The following TSHZ2 variants were observed in gnomAD, a reference collection of about 807,000 sequenced individuals.
The protein encoded by TSHZ2 is teashirt zinc finger homeobox 2, also known as teashirt homolog 2.
Under a neutral mutation model 74.4 loss-of-function variants are expected in TSHZ2, and 21 were observed. The observed-to-expected ratio is 0.28, with a 90% confidence interval of 0.20 to 0.41. The LOEUF is 0.41. Ranked by LOEUF, TSHZ2 falls within the 10% of genes least tolerant of loss-of-function variation. The pLI is 1.00. For synonymous variants in TSHZ2, 540 were observed against 515.3 expected, an observed-to-expected ratio of 1.05 and a Z score of -0.65; for missense variants, 1,244 against 1,293.5, an observed-to-expected ratio of 0.96 and a Z score of 0.59.
intron 1 of TSHZ2, among the ~76,000 whole-genome samples, chr20:53,082,995 G>A (rs1490160100): frequency 2.0e-5 from 3 of 152,218 alleles, no homozygotes. Flanking sequence ...CTCAGAAAGA[G>A]TCCTCAGCAG....
At chr20:52,988,906 C>T (rs1395176843) in intron 1 of TSHZ2, among the ~76,000 whole-genome samples, 6 of 152,068 alleles carry the variant, frequency 3.9e-5, no homozygotes, top group Non-Finnish European at 8.8e-5. Flanking sequence ...CTCTTCCTGG[C>T]CATCAAAAAA....
At chr20:53,058,683 G>A (rs1984724092) in intron 1 of TSHZ2, among the ~76,000 whole-genome samples, 1 of 152,216 alleles carries the variant, frequency 6.6e-6, no homozygotes, top group African/African-American at 2.4e-5. Context: ...CAAGGTTTGT[G>A]GAACAAGGCT....
intron 2 of TSHZ2, among the ~76,000 whole-genome samples, chr20:53,368,434 G>T (rs929347372): frequency 2.6e-5 from 4 of 152,100 alleles, no homozygotes; most frequent in Non-Finnish European, 4.4e-5. Context: ...CTTCAGAGTA[G>T]CTGGGATTAC....
At chr20:53,197,613 C>G (rs567208102) in intron 1 of TSHZ2, among the ~76,000 whole-genome samples, 2 of 152,180 alleles carry the variant, frequency 1.3e-5, no homozygotes, top group Non-Finnish European at 2.9e-5. Flanking sequence ...TATTTCTCCC[C>G]CTTCGATACA....
intron 1 of TSHZ2, among the ~76,000 whole-genome samples, chr20:53,101,690 TCTTTGCTAATATA>T (rs1359165349): frequency 6.6e-6 from 1 of 152,236 alleles, no homozygotes; most frequent in Non-Finnish European, 1.5e-5. Flanking sequence ...CTTTTGTGGT[TCTTTGCTAATATA>T]CTTTGAAATT....
chr20:53,094,495 A>G (rs1169922891), intron 1 of TSHZ2, among the ~76,000 whole-genome samples: 1 of 152,096 alleles, frequency 6.6e-6, no homozygotes, highest in Non-Finnish European at 1.5e-5. Context: ...ACTCGGTGCA[A>G]GTTAGAACAT....
At chr20:52,989,119 G>C (rs1483136754) in intron 1 of TSHZ2, among the ~76,000 whole-genome samples, 2 of 150,116 alleles carry the variant, frequency 1.3e-5, no homozygotes, top group Non-Finnish European at 2.9e-5. Context: ...CTATCTGAGA[G>C]GGAGAATGTT....
intron 2 of TSHZ2, among the ~76,000 whole-genome samples, chr20:53,278,840 T>G (rs1568849247): frequency 3.3e-5 from 5 of 152,154 alleles, no homozygotes; most frequent in Admixed American, 1.3e-4. Flanking sequence ...CAGCTGACCC[T>G]TGAACAATGA....
intron 2 of TSHZ2, among the ~76,000 whole-genome samples, chr20:53,350,184 A>G (rs748436509): frequency 3.3e-5 from 5 of 152,378 alleles, no homozygotes; most frequent in Non-Finnish European, 7.3e-5. Context: ...AGAAAGTCAC[A>G]TATTCACTGG....
At chr20:53,020,852 C>T (rs1052146728) in intron 1 of TSHZ2, among the ~76,000 whole-genome samples, 1 of 152,188 alleles carries the variant, frequency 6.6e-6, no homozygotes, top group Non-Finnish European at 1.5e-5. Flanking sequence ...CAATTAAGAC[C>T]ATAGGCTCCG....
chr20:53,030,635 G>C (rs550846430), intron 1 of TSHZ2, among the ~76,000 whole-genome samples: 2 of 152,258 alleles, frequency 1.3e-5, no homozygotes, highest in African/African-American at 4.8e-5. Context: ...GAAGTCAATG[G>C]CCATTGTGTC....
chr20:53,327,955 G>A (rs182093538), intron 2 of TSHZ2, among the ~76,000 whole-genome samples: 1 of 152,324 alleles, frequency 6.6e-6, no homozygotes, highest in Non-Finnish European at 1.5e-5. Flanking sequence ...GAACAGAAAG[G>A]TTTCGTGACT....
intron 1 of TSHZ2, among the ~76,000 whole-genome samples, chr20:53,203,518 G>T (rs1989060428): frequency 6.6e-6 from 1 of 151,934 alleles, no homozygotes; most frequent in Non-Finnish European, 1.5e-5. Flanking sequence ...TAGGTCTACA[G>T]GGGCCAGGCT....
At chr20:53,473,013 C>T (rs985483183) in intron 2 of TSHZ2, among the ~76,000 whole-genome samples, 54 of 151,718 alleles carry the variant, frequency 3.6e-4, no homozygotes, top group African/African-American at 1.2e-3. Context: ...CCTACGCCCA[C>T]GGAGTCTCGC....
intron 1 of TSHZ2, among the ~76,000 whole-genome samples, chr20:53,186,868 G>C (rs895947831): frequency 7.2e-5 from 11 of 152,068 alleles, no homozygotes; most frequent in African/African-American, 2.7e-4. Context: ...GTCTCCTCTT[G>C]GGGGCAGTGT....
intron 1 of TSHZ2, among the ~76,000 whole-genome samples, chr20:53,179,705 G>A (rs778646729): frequency 6.6e-6 from 1 of 152,102 alleles, no homozygotes; most frequent in South Asian, 2.1e-4. Flanking sequence ...TGAACATATC[G>A]CTTGACCAGC....
intron 1 of TSHZ2, among the ~76,000 whole-genome samples, chr20:53,143,984 A>G (rs188089151): frequency 3.5e-4 from 54 of 152,232 alleles, no homozygotes; most frequent in South Asian, 6.2e-4. Flanking sequence ...GTGCTGATTG[A>G]TAAGTTTGGA....
chr20:53,080,077 G>A (rs2123226605), intron 1 of TSHZ2, among the ~76,000 whole-genome samples: 1 of 152,236 alleles, frequency 6.6e-6, no homozygotes, highest in Non-Finnish European at 1.5e-5. Flanking sequence ...GACCCGAAAA[G>A]CAATTATGTA....
chr20:53,236,280 T>C (rs938422705), intron 1 of TSHZ2, among the ~76,000 whole-genome samples: 1 of 152,246 alleles, frequency 6.6e-6, no homozygotes, highest in Non-Finnish European at 1.5e-5. Context: ...TTACTTATTA[T>C]GAATTGAACA....
Sources: gnomAD v4.1 joint callset for allele counts (sites outside exome capture counted in the v4.1 genomes callset) on GRCh38, gnomAD v4.1.1 for gene constraint, MANE v1.5 for transcripts, NCBI Gene and HGNC (gene_info 2026-07-23, HGNC 2026-07-21) for gene names.